The following CSMD1 variants were observed in gnomAD, a reference collection of about 807,000 sequenced individuals.
The protein encoded by CSMD1 is CUB and sushi domain-containing protein 1.
In CSMD1, 213 loss-of-function variants were observed where a neutral mutation model predicts 417.5. The ratio of observed to expected loss-of-function variants is 0.51; its 90% CI spans 0.46 to 0.57. CSMD1 has a LOEUF of 0.57. Ranked by LOEUF, CSMD1 falls within the 20% of genes least tolerant of loss-of-function variation. The probability of loss-of-function intolerance (pLI) is 0.00; values close to 1 mark genes in which losing one functional copy is unlikely to be tolerated. For synonymous variants in CSMD1, 2,862 were observed against 1,736.8 expected, an observed-to-expected ratio of 1.65 and a Z score of -16.11; for missense variants, 6,923 against 4,529.7, an observed-to-expected ratio of 1.53 and a Z score of -15.17.
At chr8:3,451,881 C>T (rs1479163145) in intron 12 of CSMD1, among the ~76,000 whole-genome samples, 3 of 152,174 alleles carry the variant, frequency 2.0e-5, no homozygotes, top group Non-Finnish European at 2.9e-5. Flanking sequence ...ATGGGGATGG[C>T]ATTGAATCTA....
Position 4,317,136 on chromosome 8 carries a change from G to A in CSMD1, c.415+102817C>T, listed in dbSNP as rs1467705483. ...GGCCAAGCACATCATCATCATCTAA[G>A]GTTGAATAATAATCCCCAAATCCCT... On this transcript the variant is annotated intron_variant, in intron 3 of 69. Coordinates refer to ENST00000635120, the MANE Select transcript of CSMD1 (RefSeq NM_033225.6). Among the ~76,000 whole-genome samples the A allele has an allele frequency of 7.2e-5, 11 of 152,226 alleles. No homozygotes were observed. The East Asian group carries it at 2.1e-3, about 29-fold the overall frequency.
chr8:3,685,639 T>G (rs1799908429), intron 7 of CSMD1, among the ~76,000 whole-genome samples: 1 of 152,146 alleles, frequency 6.6e-6, no homozygotes, highest in Non-Finnish European at 1.5e-5. Flanking sequence ...TTTGAGACTG[T>G]TTTTAGAGGC....
At chr8:3,902,816 T>C (rs1383735672) in intron 5 of CSMD1, among the ~76,000 whole-genome samples, 2 of 152,142 alleles carry the variant, frequency 1.3e-5, no homozygotes, top group African/African-American at 4.8e-5. Flanking sequence ...TTAAATTACA[T>C]AATGCACTGA....
chr8:3,981,989 G>C (rs894203473), intron 5 of CSMD1, among the ~76,000 whole-genome samples: 28 of 151,868 alleles, frequency 1.8e-4, no homozygotes, highest in Admixed American at 1.6e-3. Flanking sequence ...GGCTAACACG[G>C]TGAAACCCCG....
intron 2 of CSMD1, among the ~76,000 whole-genome samples, chr8:4,509,596 C>T (rs533968494): frequency 5.1e-4 from 78 of 152,264 alleles, no homozygotes; most frequent in Non-Finnish European, 6.9e-4. Flanking sequence ...AAAGCAGACA[C>T]ACCCCAGCCA....
intron 41 of CSMD1, among the ~76,000 whole-genome samples, chr8:3,131,949 T>C (rs968900357): frequency 2.0e-5 from 3 of 152,184 alleles, no homozygotes; most frequent in African/African-American, 7.2e-5. Flanking sequence ...AGAACTAAAT[T>C]CATGGTCTTA....
At chr8:4,385,669 C>A (rs759838153) in intron 3 of CSMD1, among the ~76,000 whole-genome samples, 2 of 152,006 alleles carry the variant, frequency 1.3e-5, no homozygotes, top group Non-Finnish European at 2.9e-5. Flanking sequence ...TAGGCATTAT[C>A]CAAAGCACAT....
chr8:4,896,342 C>A (rs538871650), intron 1 of CSMD1, among the ~76,000 whole-genome samples: 1 of 152,164 alleles, frequency 6.6e-6, no homozygotes, highest in South Asian at 2.1e-4. Context: ...CTTTAATCTG[C>A]ATATTTGAGC....
intron 3 of CSMD1, among the ~76,000 whole-genome samples, chr8:4,194,400 G>T (rs969233843): frequency 6.6e-6 from 1 of 152,084 alleles, no homozygotes; most frequent in African/African-American, 2.4e-5. Flanking sequence ...ATGAAACAAT[G>T]GACACTCCAA....
chr8:4,988,439 T>C (rs1346715527), intron 1 of CSMD1, among the ~76,000 whole-genome samples: 7 of 152,212 alleles, frequency 4.6e-5, no homozygotes, highest in African/African-American at 1.7e-4. Context: ...TAAGTTATTT[T>C]TAACAAAAAA....
chr8:4,134,112 T>A (rs973677150), intron 3 of CSMD1, among the ~76,000 whole-genome samples: 1 of 152,196 alleles, frequency 6.6e-6, no homozygotes, highest in Non-Finnish European at 1.5e-5. Context: ...ATTGCTGGTA[T>A]AAGAATATCA....
intron 49 of CSMD1, among the ~76,000 whole-genome samples, chr8:3,076,352 G>A (rs1186663784): frequency 6.6e-6 from 1 of 152,168 alleles, no homozygotes; most frequent in East Asian, 1.9e-4. Context: ...ATTGGATTAG[G>A]GTTCACCCTA....
At chr8:4,447,126 A>C (rs1798862656) in intron 2 of CSMD1, among the ~76,000 whole-genome samples, 1 of 152,150 alleles carries the variant, frequency 6.6e-6, no homozygotes, top group Non-Finnish European at 1.5e-5. Context: ...GTACATTTGC[A>C]AATAGAATGT....
At chr8:4,566,601 T>C (rs918354978) in intron 2 of CSMD1, among the ~76,000 whole-genome samples, 14 of 130,574 alleles carry the variant, frequency 1.1e-4, no homozygotes, top group South Asian at 2.4e-4. Flanking sequence ...TGCAGTGAGC[T>C]GAGATCGCAC....
intron 1 of CSMD1, among the ~76,000 whole-genome samples, chr8:4,816,002 A>C (rs1481578131): frequency 6.6e-6 from 1 of 152,116 alleles, no homozygotes; most frequent in Non-Finnish European, 1.5e-5. Flanking sequence ...AAAGTACAAA[A>C]ATGTCACGCT....
intron 3 of CSMD1, among the ~76,000 whole-genome samples, chr8:4,121,044 A>T (rs946649725): frequency 6.6e-6 from 1 of 152,120 alleles, no homozygotes; most frequent in African/African-American, 2.4e-5. Flanking sequence ...GTCCAGGAAC[A>T]AAGGAGTTTC....
chr8:3,104,929 C>T lies in CSMD1; in HGVS notation c.6949+1599G>A, dbSNP rs192430276. On this transcript the variant is annotated intron_variant, in intron 46 of 69. Transcript: ENST00000635120. ...CCCTGTTGGTCAGGCTGGTCTCGAC[C>T]TCCCAGCCTCAGGTGATCCACCCAC... is the stretch of plus-strand genomic sequence containing the variant. Among the ~76,000 whole-genome samples the T allele has an allele frequency of 4.8e-3, 731 of 152,264 alleles. 8 individuals carry two copies. The highest frequency in any genetic ancestry group is 0.017 in the African/African-American group (710 of 41,558).
intron 3 of CSMD1, among the ~76,000 whole-genome samples, chr8:4,379,833 A>C (rs184134856): frequency 1.5e-3 from 222 of 152,334 alleles, no homozygotes; most frequent in African/African-American, 4.8e-3. Context: ...TGTTTGCTGA[A>C]AAAGTGATCC....
At chr8:3,830,203 T>C (rs753957082) in intron 5 of CSMD1, among the ~76,000 whole-genome samples, 1 of 152,298 alleles carries the variant, frequency 6.6e-6, no homozygotes. Context: ...ACAAGGATTG[T>C]TTGAGGTAAA....
Sources: gnomAD v4.1 joint callset for allele counts (sites outside exome capture counted in the v4.1 genomes callset) on GRCh38, gnomAD v4.1.1 for gene constraint, MANE v1.5 for transcripts, NCBI Gene and HGNC (gene_info 2026-07-23, HGNC 2026-07-21) for gene names.